The following FMN2 variants were observed in gnomAD, a reference collection of about 807,000 sequenced individuals.
FMN2 encodes the protein formin-2.
In FMN2, 51 loss-of-function variants were observed where a neutral mutation model predicts 142.3. The observed-to-expected ratio is 0.36, with a 90% CI of 0.29 to 0.45. The LOEUF (loss-of-function observed/expected upper bound fraction) is 0.45. Among genes scored for constraint, FMN2 ranks in the 20% least tolerant of loss-of-function variants. The pLI, the probability that FMN2 is intolerant of heterozygous loss-of-function variation, is 1.00. For missense variants in FMN2, 1,936 were observed against 2,122.8 expected (o/e 0.91, Z 1.73); for synonymous variants, 882 against 869.8 (o/e 1.01, Z -0.25).
chr1:240,092,267 GGGGC>G lies in FMN2; in HGVS notation c.161_164del (p.Gly54AlafsTer87). On this transcript the variant is annotated frameshift_variant, in exon 1 of 18. Transcript: ENST00000319653. LOFTEE classifies it high-confidence loss of function. Reference sequence around the variant, plus strand: ...CTAGGCAAGCACGGCAAGGGGGGAGGGGGCGGCGGCGGCGGCGGGGAGTCGGGCA... The same window carrying G: ...CTAGGCAAGCACGGCAAGGGGGGAGGGGCGGCGGCGGCGGGGAGTCGGGCA... The G allele has an allele frequency of 6.5e-7, 1 of 1,535,744 alleles. No homozygotes were observed. Among genetic ancestry groups the G allele is most frequent in the South Asian group, 1.2e-5 (1 of 85,362 alleles).
chr1:240,194,257 A>G (rs1665828648), intron 4 of FMN2, among the ~76,000 whole-genome samples: 2 of 152,186 alleles, frequency 1.3e-5, no homozygotes, highest in African/African-American at 4.8e-5. Context: ...GCTTATATTC[A>G]TACCATAGTG....
chr1:240,127,381 T>A (rs1662557959), intron 2 of FMN2, among the ~76,000 whole-genome samples: 1 of 151,754 alleles, frequency 6.6e-6, no homozygotes, highest in African/African-American at 2.4e-5. Context: ...TTTTTTTTTT[T>A]TTTAAATGGG....
rs533252210 is a variant in FMN2 at position 240,184,786 on chromosome 1, A to C, written c.1931-3421A>C. ...GGGAGTTCCGGGAGTGATCACTTTC[A>C]TTTAGGGAGCTCTATGAAAGTTGGA... is the stretch of plus-strand genomic sequence containing the variant. On this transcript the variant is annotated intron_variant, in intron 3 of 17. Coordinates refer to ENST00000319653, the MANE Select transcript of FMN2 (RefSeq NM_020066.5). 3.3e-5 allele frequency among the ~76,000 whole-genome samples: 5 copies of C among 151,946 alleles called. No individual in the cohort carries two copies. In the South Asian group the frequency reaches 1.0e-3, roughly 31 times the overall value.
rs1175411340 is a variant in FMN2, at chr1:240,365,850, A to G, written c.4858+9942A>G. On this transcript the variant is annotated intron_variant, in intron 14 of 17. Coordinates refer to ENST00000319653, the MANE Select transcript of FMN2 (RefSeq NM_020066.5). The stretch of plus-strand genomic sequence containing the variant: ...ACTCATGCCTTAATGAACTTTACTT[A>G]ACACATGTATTTTCTCCATAAGGTA... Among the ~76,000 whole-genome samples, 3 of 152,272 alleles carry G rather than the reference A, an allele frequency of 2.0e-5. No individual in the cohort carries two copies. The South Asian group carries it at 6.2e-4, about 32-fold the overall frequency.
intron 2 of FMN2, among the ~76,000 whole-genome samples, chr1:240,177,386 G>C (rs1572023365): frequency 1.4e-5 from 2 of 147,336 alleles, no homozygotes; most frequent in East Asian, 2.0e-4. Context: ...TTTCTTAGCA[G>C]GTTCATTCAC....
chr1:240,093,894 G>T (rs1343194899), intron 1 of FMN2, among the ~76,000 whole-genome samples, 170 bp downstream of exon 1: 3 of 152,232 alleles, frequency 2.0e-5, no homozygotes, highest in Non-Finnish European at 2.9e-5. Context: ...ACGGTGAAAT[G>T]ACTTGGACAT....
chr1:240,144,931 C>T, intron 2 of FMN2: 1 of 1,324,580 alleles, frequency 7.5e-7, no homozygotes, highest in African/African-American at 1.4e-5. Context: ...CCAATTCCTT[C>T]TGGGAGCCTA....
intron 2 of FMN2, chr1:240,171,314 G>A (rs1445591497): frequency 8.6e-6 from 6 of 696,304 alleles, no homozygotes; most frequent in South Asian, 3.1e-5. Flanking sequence ...GAAAACCAGC[G>A]TCCATCCTGT....
intron 15 of FMN2, among the ~76,000 whole-genome samples, chr1:240,403,549 G>T (rs760330382): frequency 6.6e-6 from 1 of 152,150 alleles, no homozygotes; most frequent in Non-Finnish European, 1.5e-5. Context: ...CAAGAGAATT[G>T]CTTGAACCCA....
chr1:240,129,620 A>G (rs1471159572), intron 2 of FMN2, among the ~76,000 whole-genome samples: 1 of 149,376 alleles, frequency 6.7e-6, no homozygotes, highest in African/African-American at 2.5e-5. Context: ...CTCCTGCCTC[A>G]GCCTCCTGAG....
At chr1:240,260,187 A>G (rs542360165) in intron 7 of FMN2, among the ~76,000 whole-genome samples, 5 of 152,144 alleles carry the variant, frequency 3.3e-5, no homozygotes, top group Non-Finnish European at 4.4e-5. Context: ...TATTTTTGCA[A>G]TTGTGAATTG....
chr1:240,436,736 A>G (rs1675388428), intron 15 of FMN2, among the ~76,000 whole-genome samples: 1 of 152,116 alleles, frequency 6.6e-6, no homozygotes, highest in Admixed American at 6.5e-5. Context: ...AGACATTTCA[A>G]ATCAGCTATG....
At chr1:240,465,432 C>A (rs1204628405) in intron 16 of FMN2, among the ~76,000 whole-genome samples, 1 of 150,614 alleles carries the variant, frequency 6.6e-6, no homozygotes, top group African/African-American at 2.4e-5. Context: ...GGTAAAAAAG[C>A]TTTAAATTTC....
Position 240,105,557 on chromosome 1 carries a change from A to G in FMN2, c.1615+11833A>G, listed in dbSNP as rs568471541. Reference sequence around the variant, plus strand: ...ATCATTTTATCTGAGAATGTGAAAGATCTCTTCATTTATTCAGATCATCTT... The same window carrying G: ...ATCATTTTATCTGAGAATGTGAAAGGTCTCTTCATTTATTCAGATCATCTT... On this transcript the variant is annotated intron_variant, in intron 1 of 17. Coordinates refer to ENST00000319653, the MANE Select transcript of FMN2 (RefSeq NM_020066.5). Among the ~76,000 whole-genome samples, 4 of 152,312 alleles carry G rather than the reference A, an allele frequency of 2.6e-5. No individual in the cohort carries two copies. In the South Asian group the frequency reaches 8.3e-4, roughly 32 times the overall value.
At position 240,430,035 on chromosome 1, in the gene FMN2, A is replaced by G. The variant is rs549256078; in HGVS notation, c.4911-8026A>G. Among the ~76,000 whole-genome samples, 8 of 151,838 alleles carry G rather than the reference A, an allele frequency of 5.3e-5. No homozygotes were observed. The South Asian group carries it at 6.3e-4, about 12-fold the overall frequency. ...CAAGTAGCTGGGACTACAGGCGCCC[A>G]CCACCGTGCCCTGCTAACGTTTTGT... On this transcript the variant is annotated intron_variant, in intron 15 of 17. Transcript: ENST00000319653.
intron 11 of FMN2, among the ~76,000 whole-genome samples, chr1:240,331,338 T>C (rs1417530013): frequency 6.6e-6 from 1 of 152,168 alleles, no homozygotes; most frequent in Non-Finnish European, 1.5e-5. Context: ...TTGTGTTTGT[T>C]TGAAATTAAT....
intron 6 of FMN2, among the ~76,000 whole-genome samples, chr1:240,233,371 C>A: frequency 6.9e-6 from 1 of 144,256 alleles, no homozygotes; most frequent in Admixed American, 7.0e-5. Context: ...GGTGACAGAG[C>A]GAGACTTCAT....
chr1:240,132,515 G>C (rs1034177443), intron 2 of FMN2, among the ~76,000 whole-genome samples: 1 of 152,112 alleles, frequency 6.6e-6, no homozygotes, highest in African/African-American at 2.4e-5. Flanking sequence ...AGGTAGGCTC[G>C]TTGTGATTAG....
intron 6 of FMN2, among the ~76,000 whole-genome samples, chr1:240,232,307 G>A (rs369118754): frequency 1.4e-5 from 2 of 145,370 alleles, no homozygotes; most frequent in African/African-American, 5.2e-5. Context: ...GGCCAGGATG[G>A]TCTCGATCTC....
Sources: gnomAD v4.1 joint callset for allele counts (sites outside exome capture counted in the v4.1 genomes callset) on GRCh38, gnomAD v4.1.1 for gene constraint, MANE v1.5 for transcripts, NCBI Gene and HGNC (gene_info 2026-07-23, HGNC 2026-07-21) for gene names.